Variants in SLC22A15 observed in about 807,000 individuals in gnomAD.
SLC22A15 encodes solute carrier family 22 member 15.
A neutral mutation model predicts 62.7 loss-of-function variants in SLC22A15; 45 were observed. The observed-to-expected ratio is 0.72, with a 90% confidence interval of 0.56 to 0.92. The LOEUF is 0.92. Among genes scored for constraint, SLC22A15 ranks in the 40% least tolerant of loss-of-function variants. The pLI, the probability that SLC22A15 is intolerant of heterozygous loss-of-function variation, is 0.00. For synonymous variants in SLC22A15, 264 were observed against 267.0 expected, an observed-to-expected ratio of 0.99 and a Z score of 0.11; for missense variants, 622 against 665.6, an observed-to-expected ratio of 0.93 and a Z score of 0.72.
At chr1:116,031,141 A>G (rs776106519) in intron 5 of SLC22A15, among the ~76,000 whole-genome samples, 11 of 152,170 alleles carry the variant, frequency 7.2e-5, no homozygotes, top group African/African-American at 2.7e-4. Flanking sequence ...TTAAACTGCA[A>G]TTGTAAAGCA....
chr1:116,004,751 G>C (rs889719414), intron 2 of SLC22A15, among the ~76,000 whole-genome samples: 1 of 151,998 alleles, frequency 6.6e-6, no homozygotes, highest in Admixed American at 6.6e-5. Context: ...GTGTAGAGTT[G>C]GTATTAATTC....
At chr1:116,025,078 G>A (rs1254609625) in intron 4 of SLC22A15, among the ~76,000 whole-genome samples, 1 of 152,000 alleles carries the variant, frequency 6.6e-6, no homozygotes, top group Non-Finnish European at 1.5e-5. Flanking sequence ...TATAACATGA[G>A]GTAGGCACTG....
At chr1:116,015,227 G>T (rs1176864447) in intron 2 of SLC22A15, 1 of 152,106 alleles carries the variant, frequency 6.6e-6, no homozygotes, top group African/African-American at 2.4e-5. Context: ...GATCTGTCAG[G>T]GAGATCTGGG....
intron 6 of SLC22A15, chr1:116,031,917 T>C: frequency 9.1e-7 from 1 of 1,102,900 alleles, no homozygotes; most frequent in Non-Finnish European, 1.1e-6. Context: ...CAAATAAGCA[T>C]GGTAGAAATA....
chr1:115,987,835 A>G (rs1654947724), intron 1 of SLC22A15, among the ~76,000 whole-genome samples: 1 of 152,200 alleles, frequency 6.6e-6, no homozygotes, highest in Non-Finnish European at 1.5e-5. Context: ...TGTTTTATAT[A>G]ACATTGAACA....
intron 8 of SLC22A15, among the ~76,000 whole-genome samples, chr1:116,057,203 T>A (rs1481510111): frequency 6.6e-6 from 1 of 151,240 alleles, no homozygotes; most frequent in Non-Finnish European, 1.5e-5. Context: ...CTCAAACAAA[T>A]TTACAAGAAA....
chr1:116,030,557 G>A (rs1245835655), intron 5 of SLC22A15, among the ~76,000 whole-genome samples: 2 of 152,074 alleles, frequency 1.3e-5, no homozygotes, highest in Admixed American at 1.3e-4. Flanking sequence ...TGGGGAAGAG[G>A]CAAAAAGATA....
intron 4 of SLC22A15, among the ~76,000 whole-genome samples, chr1:116,021,392 C>T (rs1174833934): frequency 6.6e-6 from 1 of 151,718 alleles, no homozygotes; most frequent in Non-Finnish European, 1.5e-5. Context: ...TTGACTATCC[C>T]ATTATTTTCT....
Position 116,067,101 on chromosome 1 carries a change from TC to T in SLC22A15, c.1638del (p.Lys547SerfsTer20), listed in dbSNP as rs1182226243. The stretch of plus-strand genomic sequence containing the variant: ...GATGCAGATGAAGAGACTCAGATGA[TC>T]AAGTGAAGAGCCCCAGATTCCCCCT... ...FYDADEETQM[I>X]K is the part of the protein sequence containing the mutation. On this transcript the variant is annotated frameshift_variant, in exon 12 of 12. Coordinates refer to ENST00000369503, the MANE Select transcript of SLC22A15 (RefSeq NM_018420.3). LOFTEE classifies it high-confidence loss of function. The T allele has an allele frequency of 9.3e-6, 15 of 1,610,392 alleles. No homozygotes were observed. Among genetic ancestry groups the T allele is most frequent in the Non-Finnish European group, 1.2e-5 (14 of 1,178,412 alleles).
chr1:115,986,265 CAT>C (rs942645553), intron 1 of SLC22A15, among the ~76,000 whole-genome samples: 3 of 151,832 alleles, frequency 2.0e-5, no homozygotes, highest in Admixed American at 6.6e-5. Flanking sequence ...ATAGACTATA[CAT>C]ATTTGATATA....
At chr1:115,998,802 T>A (rs1350766676) in intron 2 of SLC22A15, among the ~76,000 whole-genome samples, 10 of 152,086 alleles carry the variant, frequency 6.6e-5, no homozygotes. Flanking sequence ...TCATCTTTAT[T>A]ATTTCTTTTC....
intron 5 of SLC22A15, chr1:116,027,423 C>A: frequency 2.0e-6 from 1 of 494,514 alleles, no homozygotes; most frequent in Non-Finnish European, 4.1e-6. Flanking sequence ...GTTCATCCTA[C>A]AGATTAGTGT....
chr1:116,016,068 TTCTC>T (rs550797410), intron 2 of SLC22A15, among the ~76,000 whole-genome samples: 1 of 152,052 alleles, frequency 6.6e-6, no homozygotes, highest in Non-Finnish European at 1.5e-5. Context: ...GAAACTTTCT[TTCTC>T]TTTCTTTTTC....
intron 1 of SLC22A15, among the ~76,000 whole-genome samples, chr1:115,982,565 C>T (rs548619610): frequency 2.0e-5 from 3 of 152,258 alleles, no homozygotes; most frequent in Admixed American, 2.0e-4. Context: ...CTATTCAGTT[C>T]TCTTGTGTTG....
chr1:116,052,935 G>A (rs995379925), intron 8 of SLC22A15, among the ~76,000 whole-genome samples: 10 of 152,000 alleles, frequency 6.6e-5, no homozygotes, highest in African/African-American at 2.2e-4. Flanking sequence ...ACCAAAAGTA[G>A]ATAAAACCAC....
intron 2 of SLC22A15, among the ~76,000 whole-genome samples, chr1:116,000,430 T>A (rs1406896529): frequency 6.6e-6 from 1 of 152,144 alleles, no homozygotes; most frequent in Non-Finnish European, 1.5e-5. Context: ...TTGTTTCTAT[T>A]TATAACTTCT....
intron 4 of SLC22A15, among the ~76,000 whole-genome samples, chr1:116,023,239 G>T (rs540797103): frequency 6.6e-5 from 10 of 152,272 alleles, no homozygotes; most frequent in South Asian, 6.2e-4. Context: ...TGACCAGTTT[G>T]CATTGTAGTA....
chr1:116,001,892 G>A (rs1176307905), intron 2 of SLC22A15, among the ~76,000 whole-genome samples: 1 of 152,048 alleles, frequency 6.6e-6, no homozygotes, highest in Non-Finnish European at 1.5e-5. Context: ...CGATGCCTGT[G>A]GATGTTCGTC....
intron 2 of SLC22A15, among the ~76,000 whole-genome samples, chr1:115,994,985 T>C (rs976102091): frequency 6.6e-6 from 1 of 152,192 alleles, no homozygotes. Context: ...TCAGCCTTTT[T>C]TTTTCTTTTA....
Sources: gnomAD v4.1 joint callset for allele counts (sites outside exome capture counted in the v4.1 genomes callset) on GRCh38, gnomAD v4.1.1 for gene constraint, MANE v1.5 for transcripts, NCBI Gene and HGNC (gene_info 2026-07-23, HGNC 2026-07-21) for gene names.